Variants in POSTN observed in about 807,000 individuals in gnomAD.
POSTN encodes periostin.
Under a neutral mutation model 104.5 loss-of-function variants are expected in POSTN, and 71 were observed. The observed-to-expected ratio is 0.68, with a 90% CI of 0.56 to 0.83. POSTN has a LOEUF of 0.83. POSTN is among the 40% of genes least tolerant of loss of function. The probability of loss-of-function intolerance (pLI) is 0.00; values close to 1 mark genes in which losing one functional copy is unlikely to be tolerated. For synonymous variants in POSTN, 355 were observed against 340.7 expected, an observed-to-expected ratio of 1.04 and a Z score of -0.46; for missense variants, 949 against 1,006.8, an observed-to-expected ratio of 0.94 and a Z score of 0.78.
At chr13:37,567,290 G>A (rs1358071024) in intron 21 of POSTN, among the ~76,000 whole-genome samples, 1 of 146,946 alleles carries the variant, frequency 6.8e-6, no homozygotes, top group Non-Finnish European at 1.5e-5. Context: ...GATATGAACT[G>A]TTTAGATAGA....
intron 21 of POSTN, among the ~76,000 whole-genome samples, chr13:37,566,314 C>T (rs1193257855): frequency 6.6e-6 from 1 of 152,088 alleles, no homozygotes; most frequent in Non-Finnish European, 1.5e-5. Flanking sequence ...GTACTCAGCT[C>T]AATTATTTTG....
chr13:37,567,220 A>G (rs1422109262), intron 21 of POSTN, among the ~76,000 whole-genome samples: 2 of 70,400 alleles, frequency 2.8e-5, no homozygotes, highest in African/African-American at 1.2e-4. Flanking sequence ...TGGGCGACAG[A>G]GCGAGACTCC....
chr13:37,574,693 A>G, intron 16 of POSTN, 41 bp from the exon 17 acceptor site: 1 of 1,547,380 alleles, frequency 6.5e-7, no homozygotes, highest in Non-Finnish European at 8.7e-7. Context: ...TATTTACATA[A>G]AAACCTGAAC....
chr13:37,576,167 C>T (rs1950404100), intron 16 of POSTN, among the ~76,000 whole-genome samples: 1 of 152,092 alleles, frequency 6.6e-6, no homozygotes, highest in South Asian at 2.1e-4. Context: ...CATCCTTCCC[C>T]TCAACTATAC....
intron 2 of POSTN, among the ~76,000 whole-genome samples, chr13:37,595,154 T>C (rs1437745997): frequency 6.6e-6 from 1 of 152,042 alleles, no homozygotes; most frequent in Non-Finnish European, 1.5e-5. Context: ...ATGGCATTCT[T>C]CTCTATCTTC....
chr13:37,592,070 C>T lies in POSTN; in HGVS notation c.283+30G>A, dbSNP rs761559829. 4.0e-6 allele frequency: 6 copies of T among 1,513,506 alleles called. No individual in the cohort carries two copies. In the East Asian group the frequency reaches 9.0e-5, roughly 23 times the overall value. 93.8% of individuals were successfully genotyped at this position (1,513,506 alleles called of 1,614,324 possible). ...TCAACCCTTTCTTTGCATATAATTC[C>T]TTATTTAATTCAAAAAATTGAGATT... is the stretch of plus-strand genomic sequence containing the variant. On this transcript the variant is annotated intron_variant, in intron 3 of 22. Coordinates refer to ENST00000379747, the MANE Select transcript of POSTN (RefSeq NM_006475.3).
chr13:37,571,105 C>G (rs1566545128), intron 18 of POSTN: 3 of 372,360 alleles, frequency 8.1e-6, no homozygotes, highest in Non-Finnish European at 9.6e-6. Context: ...ATTCCACAAT[C>G]CTCACTTGTA....
Position 37,582,460 on chromosome 13 carries a change from A to T in POSTN, c.1298T>A (p.Ile433Lys). The T allele has an allele frequency of 6.2e-7, 1 of 1,613,536 alleles. No homozygotes were observed. Among genetic ancestry groups the T allele is most frequent in the Non-Finnish European group, 8.5e-7 (1 of 1,179,606 alleles). The change falls in exon 10 of 23, where the codon ATA becomes AAA. Residue 433 changes from isoleucine (I) to lysine (K), a missense_variant. Physicochemically the swap from Ile to Lys is moderately radical, Grantham distance 102. Transcript: ENST00000379747. ...ATTAAGGCCAACTTTTACTTTCAAT[A>T]TGTGATTCTGCAGAATTAATTTAAG... ...RLLKLILQNHILKVKVGLNEL... is the reference protein window; with the variant it reads ...RLLKLILQNHKLKVKVGLNEL...
chr13:37,569,733 G>GA lies in POSTN; in HGVS notation c.2347+10dup. The GA allele has an allele frequency of 1.9e-6, 3 of 1,562,830 alleles. No individual in the cohort carries two copies. The highest frequency in any genetic ancestry group is 1.4e-5 in the African/African-American group (1 of 73,808). On this transcript the variant is annotated intron_variant, in intron 20 of 22. Transcript: ENST00000379747. Reference sequence around the variant, plus strand: ...GTAAAGTCACATTCTTATTTTCCTAGAAATGCTGACCTTCTTGTAACAATT... The same window carrying GA: ...GTAAAGTCACATTCTTATTTTCCTAGAAAATGCTGACCTTCTTGTAACAATT...
chr13:37,562,925 G>C lies in POSTN; in HGVS notation c.*408C>G, dbSNP rs1949974349. On this transcript the variant is annotated 3_prime_UTR_variant, in exon 23 of 23. Transcript: ENST00000379747. ...TTTTTATAACTTAGCTTCCCATGGAGAGATAATGGCTTGCGTGCATTTTAT... is the reference window on the plus strand; with the variant it reads ...TTTTTATAACTTAGCTTCCCATGGACAGATAATGGCTTGCGTGCATTTTAT... The C allele has an allele frequency of 6.5e-6, 1 of 153,628 alleles. No homozygotes were observed. The highest frequency in any genetic ancestry group is 2.4e-5 in the African/African-American group (1 of 41,542). The allele number at this position is 153,628 out of a possible 1,614,324, so 9.5% of individuals were successfully genotyped here. A position where few individuals can be genotyped will look rare whatever the true frequency, so the allele number is the denominator to read the frequency against.
intron 2 of POSTN, 94 bp from the exon 3 acceptor site, chr13:37,592,258 T>C: frequency 3.8e-6 from 3 of 796,974 alleles, no homozygotes. Flanking sequence ...ATTGACTTGA[T>C]TTGTTGAGGT....
Position 37,579,078 on chromosome 13 carries a change from G to GA in POSTN, c.1834dup (p.Ser612PhefsTer2). The GA allele has an allele frequency of 6.2e-7, 1 of 1,613,256 alleles. No homozygotes were observed. The highest frequency in any genetic ancestry group is 1.1e-5 in the South Asian group (1 of 91,030). ...TACACCATTTGTTGTCATGATGTCA[G>GA]ATTCTTTTGATTTCAATTCATTCAC... On this transcript the variant is annotated frameshift_variant, in exon 14 of 23. Transcript: ENST00000379747. LOFTEE classifies it high-confidence loss of function.
In POSTN at chr13:37,570,635, A is replaced by G. The variant is rs565834764; in HGVS notation, c.2214T>C (p.Asp738=). 1 of 1,609,124 alleles carries G rather than the reference A, an allele frequency of 6.2e-7. No individual in the cohort carries two copies. The highest frequency in any genetic ancestry group is 1.1e-5 in the South Asian group (1 of 90,914). Residue 738 remains aspartate, a synonymous_variant, in exon 19 of 23, where the codon GAT becomes GAC. Coordinates refer to ENST00000379747, the MANE Select transcript of POSTN (RefSeq NM_006475.3). Reference sequence around the variant, plus strand: ...TTTCAGTTATTTCCACAGGCACTCCATCAATGATTTTGGTGTATTTTTTAA... The same window carrying G: ...TTTCAGTTATTTCCACAGGCACTCCGTCAATGATTTTGGTGTATTTTTTAA... ...PIIKKYTKII[D]GVPVEITEKE... is the part of the protein sequence containing the mutation.
chr13:37,586,190 G>T lies in POSTN; in HGVS notation c.844C>A (p.Leu282Ile). The change falls in exon 7 of 23, where the codon CTT (leucine) becomes ATT (isoleucine). Residue 282 changes from leucine to isoleucine, a missense_variant. Leu to Ile is a conservative substitution (Grantham distance 5, BLOSUM62 2). Transcript: ENST00000379747. ...FAPTNEAFEK[L>I]PRGVLERIMG... ...ATCCTTTCTAGGACACCTCGTGGAA[G>T]TTTCTCAAAAGCCTCATTGGTGGGA... 2.5e-6 allele frequency: 4 copies of T among 1,613,866 alleles called. No individual in the cohort carries two copies. The highest frequency in any genetic ancestry group is 1.1e-5 in the South Asian group (1 of 91,054).
At chr13:37,590,151 C>T (rs559854468) in intron 4 of POSTN, among the ~76,000 whole-genome samples, 1 of 151,998 alleles carries the variant, frequency 6.6e-6, no homozygotes, top group East Asian at 1.9e-4. Flanking sequence ...TCTTGATTCC[C>T]CTTCTTAAAA....
chr13:37,581,267 G>C (rs1950580988), intron 10 of POSTN, among the ~76,000 whole-genome samples: 1 of 152,166 alleles, frequency 6.6e-6, no homozygotes, highest in Non-Finnish European at 1.5e-5. Context: ...TAGCTGCAGG[G>C]AGCTGCTGAC....
chr13:37,575,878 G>T (rs1037742027), intron 16 of POSTN, among the ~76,000 whole-genome samples: 1 of 152,112 alleles, frequency 6.6e-6, no homozygotes, highest in Non-Finnish European at 1.5e-5. Context: ...TCCACAGGTG[G>T]TCTTGCCACA....
At position 37,567,080 on chromosome 13, in the gene POSTN, C is replaced by T. The variant is rs535509130; in HGVS notation, c.2431+2220G>A. 3.0e-3 allele frequency among the ~76,000 whole-genome samples: 441 copies of T among 146,570 alleles called. 1 individual carries two copies. The highest frequency in any genetic ancestry group is 5.8e-3 in the Non-Finnish European group (387 of 66,942). On this transcript the variant is annotated intron_variant, in intron 21 of 22. Transcript: ENST00000379747. ...TGAAACCCCGTCTCTACTAAAAATACAAAACATTAGCCGGGCGTAGTGGCG... is the reference window on the plus strand; with the variant it reads ...TGAAACCCCGTCTCTACTAAAAATATAAAACATTAGCCGGGCGTAGTGGCG...
rs555998611 is a variant in POSTN at position 37,562,706 on chromosome 13, A to G, written c.*627T>C. On this transcript the variant is annotated 3_prime_UTR_variant, in exon 23 of 23. Coordinates refer to ENST00000379747, the MANE Select transcript of POSTN (RefSeq NM_006475.3). ...TTTTCTGAATTACTCAATTTGAAGT[A>G]ATTCTCTTTATATCTGAAAAATGGT... is the stretch of plus-strand genomic sequence containing the variant. The G allele has an allele frequency of 1.3e-4, 20 of 152,326 alleles. No homozygotes were observed. The highest frequency in any genetic ancestry group is 4.6e-4 in the African/African-American group (19 of 41,566). The allele number at this position is 152,326 out of a possible 1,614,324, so 9.4% of individuals were successfully genotyped here. A position where few individuals can be genotyped will look rare whatever the true frequency, so the allele number is the denominator to read the frequency against.
Sources: allele counts gnomAD v4.1 joint callset (sites outside exome capture counted in the v4.1 genomes callset), GRCh38; gene constraint gnomAD v4.1.1; transcripts MANE v1.5; gene names NCBI Gene and HGNC (gene_info 2026-07-23, HGNC 2026-07-21).